Variants in PALS2 observed in about 807,000 individuals in gnomAD.
PALS2 encodes the protein protein PALS2.
In PALS2, 27 loss-of-function variants were observed where a neutral mutation model predicts 61.6. The observed-to-expected ratio is 0.44, with a 90% confidence interval of 0.32 to 0.60. The LOEUF is 0.60. Among genes scored for constraint, PALS2 ranks in the 20% least tolerant of loss-of-function variants. The pLI is 0.05. For synonymous variants in PALS2, 236 were observed against 218.6 expected (o/e 1.08, Z -0.70); for missense variants, 554 against 639.4 (o/e 0.87, Z 1.44).
intron 9 of PALS2, 57 bp from the exon 10 acceptor site, chr7:24,679,074 C>G (rs1296714938): frequency 5.9e-6 from 9 of 1,514,576 alleles, no homozygotes; most frequent in Non-Finnish European, 8.2e-6. Context: ...GTATTTTAGT[C>G]TATTTTTTAT....
At chr7:24,592,061 G>A (rs1324879296) in intron 1 of PALS2, among the ~76,000 whole-genome samples, 1 of 152,066 alleles carries the variant, frequency 6.6e-6, no homozygotes, top group African/African-American at 2.4e-5. Flanking sequence ...AAAGCAGAGT[G>A]TTGCTTTCTT....
intron 10 of PALS2, 107 bp from the exon 11 acceptor site, chr7:24,680,285 C>G: frequency 8.8e-7 from 1 of 1,140,228 alleles, no homozygotes; most frequent in East Asian, 2.5e-5. Context: ...AAGTTATGTC[C>G]TTTAATTCAT....
intron 1 of PALS2, among the ~76,000 whole-genome samples, chr7:24,583,394 C>G (rs529458026): frequency 6.6e-6 from 1 of 151,892 alleles, no homozygotes; most frequent in South Asian, 2.1e-4. Context: ...AGAAATTTTC[C>G]GTGAAGGAAT....
chr7:24,691,405 G>GTGTGTGTGTGTGTATATATATA lies in PALS2; in HGVS notation c.*3792_*3793insGTGTGTGTGTGTATATATATAT, dbSNP rs1274329385. ...ATATTATGTATGTGTGTGTGTGTGT[G>GTGTGTGTGTGTGTATATATATA]TATATATATATATATATATATATAT... On this transcript the variant is annotated 3_prime_UTR_variant, in exon 12 of 12. Coordinates refer to ENST00000222644, the MANE Select transcript of PALS2 (RefSeq NM_001303037.2). 9.0e-6 allele frequency: 1 copy of GTGTGTGTGTGTGTATATATATA among 110,596 alleles called. No homozygotes were observed. Among genetic ancestry groups the GTGTGTGTGTGTGTATATATATA allele is most frequent in the African/African-American group, 3.1e-5 (1 of 32,340 alleles). The allele number at this position is 110,596 out of a possible 1,614,324, so 6.9% of individuals were successfully genotyped here.
chr7:24,623,603 A>T, intron 1 of PALS2, 63 bp from the exon 2 acceptor site: 4 of 1,000,248 alleles, frequency 4.0e-6, no homozygotes. Flanking sequence ...TAACGGCTTG[A>T]AATTTAAGGG....
At chr7:24,645,374 G>A (rs1038142363) in intron 3 of PALS2, among the ~76,000 whole-genome samples, 6 of 152,204 alleles carry the variant, frequency 3.9e-5, no homozygotes, top group African/African-American at 1.4e-4. Context: ...TGAATAGGGA[G>A]TCTTTTCCCC....
intron 1 of PALS2, among the ~76,000 whole-genome samples, chr7:24,616,858 C>G (rs1422080672): frequency 6.6e-6 from 1 of 152,000 alleles, no homozygotes; most frequent in Non-Finnish European, 1.5e-5. Context: ...TTGTCTTTGA[C>G]TTTTGACAGT....
At chr7:24,660,763 T>G (rs1786676087) in intron 5 of PALS2, among the ~76,000 whole-genome samples, 1 of 152,170 alleles carries the variant, frequency 6.6e-6, no homozygotes, top group Non-Finnish European at 1.5e-5. Flanking sequence ...GGTCAGAGGG[T>G]TTATGCGTTT....
At chr7:24,577,251 A>T (rs1174806840) in intron 1 of PALS2, among the ~76,000 whole-genome samples, 1 of 150,888 alleles carries the variant, frequency 6.6e-6, no homozygotes, top group Non-Finnish European at 1.5e-5. Flanking sequence ...TTCATCCGAA[A>T]ATTCTTTTTT....
chr7:24,587,491 A>G (rs1046668095), intron 1 of PALS2, among the ~76,000 whole-genome samples: 1 of 151,544 alleles, frequency 6.6e-6, no homozygotes, highest in African/African-American at 2.4e-5. Context: ...GATCCTCCCA[A>G]GTAGGTGAGA....
chr7:24,684,749 A>G (rs558821256), intron 11 of PALS2, among the ~76,000 whole-genome samples: 22 of 152,240 alleles, frequency 1.4e-4, no homozygotes, highest in South Asian at 8.3e-4. Context: ...CTTGGGCTTT[A>G]TATTTGCCTT....
At chr7:24,655,060 A>G (rs1245568631) in intron 5 of PALS2, among the ~76,000 whole-genome samples, 4 of 152,244 alleles carry the variant, frequency 2.6e-5, no homozygotes, top group Non-Finnish European at 4.4e-5. Context: ...ATTGAAAATC[A>G]TAATGTGATA....
chr7:24,634,729 A>G (rs930174611), intron 2 of PALS2, among the ~76,000 whole-genome samples: 5 of 152,134 alleles, frequency 3.3e-5, no homozygotes, highest in African/African-American at 1.2e-4. Context: ...TTTGTATACG[A>G]TATTACGTTA....
rs1782525748 is a variant in PALS2 at position 24,573,540 on chromosome 7, G to C, written c.-56G>C. 1 of 391,106 alleles carries C rather than the reference G, an allele frequency of 2.6e-6. No homozygotes were observed. The highest frequency in any genetic ancestry group is 4.5e-6 in the Non-Finnish European group (1 of 222,592). 24.2% of individuals were successfully genotyped at this position (391,106 alleles called of 1,614,324 possible). A position where few individuals can be genotyped will look rare whatever the true frequency, so the allele number is the denominator to read the frequency against. ...GCTGAGGGAGAGCAGCGGCGGCGGG[G>C]AGCGACCGGGAGCGGCGGCAGCGGC... On this transcript the variant is annotated 5_prime_UTR_variant, in exon 1 of 12. Transcript: ENST00000222644. This position sits in a 1 kb window ranked among gnomAD's most constrained non-coding sequence, Gnocchi z 5.3.
intron 2 of PALS2, among the ~76,000 whole-genome samples, chr7:24,632,426 A>T (rs1023181355): frequency 6.6e-6 from 1 of 152,110 alleles, no homozygotes; most frequent in Non-Finnish European, 1.5e-5. Flanking sequence ...TTTTAGACGG[A>T]GTCTTGCTCT....
intron 8 of PALS2, among the ~76,000 whole-genome samples, chr7:24,667,530 A>G (rs1238666780): frequency 6.6e-6 from 1 of 152,040 alleles, no homozygotes; most frequent in Non-Finnish European, 1.5e-5. Context: ...CTTTCTATAT[A>G]TACTGGTTTG....
At chr7:24,677,094 C>A (rs1276746352) in intron 9 of PALS2, among the ~76,000 whole-genome samples, 1 of 151,578 alleles carries the variant, frequency 6.6e-6, no homozygotes, top group African/African-American at 2.4e-5. Flanking sequence ...TCCTTCACAT[C>A]CCTTGTAAGT....
intron 3 of PALS2, among the ~76,000 whole-genome samples, chr7:24,649,404 A>T (rs2097950): frequency 1.3e-5 from 2 of 152,076 alleles, no homozygotes; most frequent in Non-Finnish European, 2.9e-5. Flanking sequence ...GAAGGAATAT[A>T]ATATTGTTTG....
At chr7:24,579,604 A>G (rs945377100) in intron 1 of PALS2, among the ~76,000 whole-genome samples, 2 of 152,046 alleles carry the variant, frequency 1.3e-5, no homozygotes, top group Admixed American at 6.6e-5. Context: ...AAAGTTGTTT[A>G]TAAATCACCG....
Sources: gnomAD v4.1 joint callset for allele counts (sites outside exome capture counted in the v4.1 genomes callset) on GRCh38, gnomAD v4.1.1 for gene constraint, Gnocchi (gnomAD v3.1) non-coding constraint, MANE v1.5 for transcripts, NCBI Gene and HGNC (gene_info 2026-07-23, HGNC 2026-07-21) for gene names.